The following ROBO1 variants were observed in gnomAD, a reference collection of about 807,000 sequenced individuals.
ROBO1 encodes the protein roundabout homolog 1.
ROBO1 carries 149 observed loss-of-function variants against 195.9 expected under a neutral mutation model. The observed-to-expected ratio is 0.76, with a 90% confidence interval of 0.67 to 0.87. The LOEUF is 0.87. Ranked by LOEUF, ROBO1 falls within the 40% of genes least tolerant of loss-of-function variation. The probability of loss-of-function intolerance (pLI) is 0.00; values close to 1 mark genes in which losing one functional copy is unlikely to be tolerated. For synonymous variants in ROBO1, 816 were observed against 733.2 expected, an observed-to-expected ratio of 1.11 and a Z score of -1.82; for missense variants, 1,933 against 2,068.3, an observed-to-expected ratio of 0.93 and a Z score of 1.27.
chr3:79,612,360 C>T (rs1190136152), intron 1 of ROBO1, among the ~76,000 whole-genome samples: 2 of 146,820 alleles, frequency 1.4e-5, no homozygotes, highest in Non-Finnish European at 1.5e-5. Context: ...GACATGAACT[C>T]ATCATTTTTT....
At chr3:79,100,895 G>A (rs1164409528) in intron 3 of ROBO1, among the ~76,000 whole-genome samples, 4 of 151,842 alleles carry the variant, frequency 2.6e-5, no homozygotes, top group South Asian at 2.1e-4. Flanking sequence ...TTTAACAGAA[G>A]AGAGATTTCT....
At chr3:78,981,276 A>T (rs772291613) in intron 3 of ROBO1, among the ~76,000 whole-genome samples, 12 of 152,120 alleles carry the variant, frequency 7.9e-5, no homozygotes, top group Non-Finnish European at 1.3e-4. Flanking sequence ...TAGACTATGA[A>T]TGTTAAGATC....
At chr3:79,530,217 A>G (rs922103999) in intron 2 of ROBO1, among the ~76,000 whole-genome samples, 1 of 152,144 alleles carries the variant, frequency 6.6e-6, no homozygotes, top group Non-Finnish European at 1.5e-5. Context: ...TATTTCTGCC[A>G]AAGCGCTCAT....
intron 4 of ROBO1, among the ~76,000 whole-genome samples, chr3:78,848,849 GTGGGGGC>G (rs1223416972): frequency 6.6e-6 from 1 of 152,172 alleles, no homozygotes; most frequent in African/African-American, 2.4e-5. Context: ...GAAAGAGGGT[GTGGGGGC>G]TGGGCAGAGA....
intron 4 of ROBO1, among the ~76,000 whole-genome samples, chr3:78,909,961 G>T (rs781766430): frequency 1.5e-4 from 22 of 151,626 alleles, no homozygotes; most frequent in Non-Finnish European, 2.2e-4. Flanking sequence ...TGTAATAAAA[G>T]AATGAAATTA....
At chr3:79,749,822 G>A (rs529184958) in intron 1 of ROBO1, among the ~76,000 whole-genome samples, 2 of 152,336 alleles carry the variant, frequency 1.3e-5, no homozygotes, top group South Asian at 4.1e-4. Context: ...TTCATCACAG[G>A]GGAAGGGACC....
chr3:79,340,255 C>A (rs986053426), intron 2 of ROBO1, among the ~76,000 whole-genome samples: 14 of 152,218 alleles, frequency 9.2e-5, no homozygotes, highest in African/African-American at 3.1e-4. Context: ...AATTCCATTT[C>A]TTTGCCCATT....
In ROBO1 at chr3:79,277,733, C is replaced by T. The variant is rs567727792; in HGVS notation, c.89-152194G>A. Among the ~76,000 whole-genome samples, 3 of 151,416 alleles carry T rather than the reference C, an allele frequency of 2.0e-5. No homozygotes were observed. The East Asian group carries it at 5.8e-4, about 29-fold the overall frequency. On this transcript the variant is annotated intron_variant, in intron 2 of 30. Transcript: ENST00000464233. ...TATCTATATCAAAAAATCTCAAGGG[C>T]CCCATAAATATATACAACTACTATG...
At chr3:78,984,505 T>C (rs1306881183) in intron 3 of ROBO1, among the ~76,000 whole-genome samples, 1 of 152,048 alleles carries the variant, frequency 6.6e-6, no homozygotes, top group East Asian at 1.9e-4. Context: ...ACTGGGAAAA[T>C]AAAAATGAAG....
chr3:79,244,075 T>C (rs1368839869), intron 2 of ROBO1, among the ~76,000 whole-genome samples: 1 of 152,164 alleles, frequency 6.6e-6, no homozygotes, highest in Non-Finnish European at 1.5e-5. Flanking sequence ...TTCTTTTGGT[T>C]CTACCAGCAA....
At chr3:78,964,386 A>AC (rs2041565995) in intron 3 of ROBO1, among the ~76,000 whole-genome samples, 1 of 152,168 alleles carries the variant, frequency 6.6e-6, no homozygotes, top group Admixed American at 6.6e-5. Flanking sequence ...TGGGGTGTAC[A>AC]GGGGCAGAAA....
At chr3:79,716,275 G>A (rs1181074555) in intron 1 of ROBO1, among the ~76,000 whole-genome samples, 1 of 151,744 alleles carries the variant, frequency 6.6e-6, no homozygotes, top group Admixed American at 6.6e-5. Flanking sequence ...TTTAAGGGAG[G>A]TGCCCCAGTA....
intron 2 of ROBO1, among the ~76,000 whole-genome samples, chr3:79,566,979 A>G (rs1382821256): frequency 1.3e-5 from 2 of 152,170 alleles, no homozygotes; most frequent in Non-Finnish European, 2.9e-5. Context: ...CACTATTCAC[A>G]GTAGCAAAGA....
At chr3:79,581,202 C>T (rs1943650225) in intron 2 of ROBO1, among the ~76,000 whole-genome samples, 1 of 152,018 alleles carries the variant, frequency 6.6e-6, no homozygotes, top group Admixed American at 6.6e-5. Context: ...AACAGCTGTA[C>T]CATATAGCCT....
At chr3:79,306,060 T>G (rs1260409641) in intron 2 of ROBO1, among the ~76,000 whole-genome samples, 1 of 152,142 alleles carries the variant, frequency 6.6e-6, no homozygotes, top group African/African-American at 2.4e-5. Context: ...TCCGAGATAG[T>G]TTTTCTCAGA....
intron 2 of ROBO1, among the ~76,000 whole-genome samples, chr3:79,221,517 C>T (rs1343313232): frequency 6.6e-6 from 1 of 152,040 alleles, no homozygotes; most frequent in African/African-American, 2.4e-5. Flanking sequence ...ACTTGTTTTT[C>T]TTGAATTTTT....
At chr3:78,989,341 C>A (rs568290581) in intron 3 of ROBO1, among the ~76,000 whole-genome samples, 2 of 152,078 alleles carry the variant, frequency 1.3e-5, no homozygotes, top group African/African-American at 2.4e-5. Flanking sequence ...AGGTCAGGCA[C>A]GGGGGCTCAT....
Position 79,360,067 on chromosome 3 carries a change from G to A in ROBO1, c.88+229757C>T, listed in dbSNP as rs570175973. On this transcript the variant is annotated intron_variant, in intron 2 of 30. Coordinates refer to ENST00000464233, the MANE Select transcript of ROBO1 (RefSeq NM_002941.4). ...TGGTACTCAAGACAATAGCATGAGC[G>A]ATTATACTGTATGTTCTCTGCAAAT... Among the ~76,000 whole-genome samples, 15 of 152,076 alleles carry A rather than the reference G, an allele frequency of 9.9e-5. No homozygotes were observed. In the South Asian group the frequency reaches 3.1e-3, roughly 32 times the overall value.
At chr3:78,792,786 T>C (rs2084060535) in intron 4 of ROBO1, among the ~76,000 whole-genome samples, 1 of 152,146 alleles carries the variant, frequency 6.6e-6, no homozygotes, top group Admixed American at 6.6e-5. Context: ...AAATAAGTAA[T>C]AAATCAACTT....
Sources: gnomAD v4.1 joint callset for allele counts (sites outside exome capture counted in the v4.1 genomes callset) on GRCh38, gnomAD v4.1.1 for gene constraint, MANE v1.5 for transcripts, NCBI Gene and HGNC (gene_info 2026-07-23, HGNC 2026-07-21) for gene names.